Variants in EYS observed in about 807,000 individuals in gnomAD.
EYS encodes EGF-like photoreceptor maintenance factor.
EYS carries 250 observed loss-of-function variants against 282.1 expected under a neutral mutation model. The ratio of observed to expected loss-of-function variants is 0.89; its 90% confidence interval spans 0.80 to 0.98. The LOEUF (loss-of-function observed/expected upper bound fraction) is 0.98, where lower values mean the gene tolerates loss of function less well. Ranked by LOEUF, EYS falls within the 50% of genes least tolerant of loss-of-function variation. The pLI is 0.00. For synonymous variants in EYS, 1,355 were observed against 1,282.9 expected (o/e 1.06, Z -1.20); for missense variants, 4,016 against 3,709.0 (o/e 1.08, Z -2.15).
intron 14 of EYS, among the ~76,000 whole-genome samples, chr6:64,968,768 T>A (rs528414738): frequency 6.6e-6 from 1 of 152,182 alleles, no homozygotes; most frequent in Non-Finnish European, 1.5e-5. Context: ...GCTGAGGCTC[T>A]CTTAGCCCCA....
chr6:64,775,407 C>T (rs1225475909), intron 22 of EYS, among the ~76,000 whole-genome samples: 1 of 151,964 alleles, frequency 6.6e-6, no homozygotes, highest in Non-Finnish European at 1.5e-5. Context: ...GTTCAAACCC[C>T]AACTTTGCCA....
Position 65,227,645 on chromosome 6 carries a change from A to G in EYS, c.2023+68218T>C, listed in dbSNP as rs1026307664. Among the ~76,000 whole-genome samples the G allele has an allele frequency of 3.1e-4, 47 of 152,292 alleles. 1 individual carries two copies. The highest frequency in any genetic ancestry group is 1.1e-3 in the African/African-American group (44 of 41,572). On this transcript the variant is annotated intron_variant, in intron 12 of 42. Transcript: ENST00000503581. ...ACTAATGTTTATAGGAGCATTATTAATAATAGACAAAAGCTTAAATATCTG... is the reference window on the plus strand; with the variant it reads ...ACTAATGTTTATAGGAGCATTATTAGTAATAGACAAAAGCTTAAATATCTG...
At chr6:63,908,613 G>T (rs934271246) in intron 35 of EYS, among the ~76,000 whole-genome samples, 5 of 151,770 alleles carry the variant, frequency 3.3e-5, no homozygotes, top group African/African-American at 1.2e-4. Context: ...ACCACGCTCG[G>T]CTAATTTTTG....
intron 8 of EYS, among the ~76,000 whole-genome samples, chr6:65,380,410 C>T (rs1015364024): frequency 2.0e-5 from 3 of 152,106 alleles, no homozygotes; most frequent in African/African-American, 7.2e-5. Flanking sequence ...GGAAAACTGG[C>T]TAGCCATATG....
In EYS at chr6:64,567,235, T is replaced by C. The variant is rs1334621854; in HGVS notation, c.5644+22988A>G. Among the ~76,000 whole-genome samples the C allele has an allele frequency of 3.3e-5, 5 of 152,202 alleles. 1 individual carries two copies. Among genetic ancestry groups the C allele is most frequent in the Admixed American group, 3.3e-4 (5 of 15,292 alleles). On this transcript the variant is annotated intron_variant, in intron 26 of 42. Transcript: ENST00000503581. ...CATCTCTCAATACGGAGTGAGAGTA[T>C]ACATCAAAACAAAATTTAGTATAAT... is the stretch of plus-strand genomic sequence containing the variant.
chr6:64,491,330 G>GA (rs962557500), intron 26 of EYS, among the ~76,000 whole-genome samples: 11 of 149,548 alleles, frequency 7.4e-5, no homozygotes, highest in South Asian at 6.3e-4. Flanking sequence ...TCTTATCTTA[G>GA]AAAAAAAAAT....
At chr6:64,383,813 GGT>G (rs1772823879) in intron 29 of EYS, among the ~76,000 whole-genome samples, 1 of 152,034 alleles carries the variant, frequency 6.6e-6, no homozygotes, top group Admixed American at 6.6e-5. Flanking sequence ...TTTCTTCAAT[GGT>G]GTGTTTTAAT....
intron 2 of EYS, among the ~76,000 whole-genome samples, chr6:65,587,464 C>A (rs1765092105): frequency 6.6e-6 from 1 of 152,030 alleles, no homozygotes; most frequent in African/African-American, 2.4e-5. Context: ...TTGTAAGGGG[C>A]TTCCCCCTTC....
chr6:63,900,992 G>T (rs12207884), intron 35 of EYS, among the ~76,000 whole-genome samples: 42,559 of 152,032 alleles, frequency 0.28, 6,042 homozygotes, highest in Admixed American at 0.37. Flanking sequence ...TATGAGACCT[G>T]CAAAGAAACA....
chr6:64,904,268 A>G (rs1376492070), intron 16 of EYS, among the ~76,000 whole-genome samples: 1 of 152,140 alleles, frequency 6.6e-6, no homozygotes, highest in East Asian at 1.9e-4. Flanking sequence ...TTCTTACTCA[A>G]TTCTCAGAGC....
chr6:64,437,769 C>A (rs1774802593), intron 27 of EYS, among the ~76,000 whole-genome samples: 2 of 150,402 alleles, frequency 1.3e-5, no homozygotes, highest in Admixed American at 6.6e-5. Context: ...GCTCTATCTC[C>A]CAGGCAGGAG....
intron 29 of EYS, among the ~76,000 whole-genome samples, chr6:64,373,743 G>T (rs1040279451): frequency 6.6e-6 from 1 of 152,194 alleles, no homozygotes; most frequent in African/African-American, 2.4e-5. Context: ...AGGGACAAAA[G>T]AAGTCTATGC....
intron 12 of EYS, among the ~76,000 whole-genome samples, chr6:65,076,568 G>A (rs942137053): frequency 6.6e-6 from 1 of 151,902 alleles, no homozygotes; most frequent in African/African-American, 2.4e-5. Context: ...TACACATCTA[G>A]AAAGCAACAA....
chr6:64,974,855 A>G (rs1004975557), intron 14 of EYS, among the ~76,000 whole-genome samples: 1 of 151,854 alleles, frequency 6.6e-6, no homozygotes, highest in African/African-American at 2.4e-5. Flanking sequence ...GAGTAATGAC[A>G]GTTTTATGGG....
intron 40 of EYS, among the ~76,000 whole-genome samples, chr6:63,776,291 CTT>C (rs1770062505): frequency 6.6e-6 from 1 of 152,128 alleles, no homozygotes; most frequent in African/African-American, 2.4e-5. Context: ...TAAAGAGCGA[CTT>C]AACACTCTTG....
At chr6:64,844,380 G>A (rs1765659347) in intron 19 of EYS, among the ~76,000 whole-genome samples, 1 of 149,052 alleles carries the variant, frequency 6.7e-6, no homozygotes, top group African/African-American at 2.5e-5. Context: ...TTGAGTAGAA[G>A]CATAGTTTCA....
chr6:65,506,336 T>G (rs1285919628), intron 2 of EYS, among the ~76,000 whole-genome samples: 4 of 152,100 alleles, frequency 2.6e-5, no homozygotes, highest in African/African-American at 9.7e-5. Context: ...CCTCTTTCTA[T>G]GTGCTCTGGT....
chr6:64,378,953 T>G (rs1255888738), intron 29 of EYS, among the ~76,000 whole-genome samples: 3 of 152,232 alleles, frequency 2.0e-5, no homozygotes, highest in Non-Finnish European at 4.4e-5. Flanking sequence ...TATCATGCCC[T>G]GTAACTAGAT....
intron 23 of EYS, among the ~76,000 whole-genome samples, chr6:64,624,337 A>T (rs1272806813): frequency 6.6e-6 from 1 of 152,194 alleles, no homozygotes; most frequent in East Asian, 1.9e-4. Context: ...GTTACAAGAT[A>T]CCTATTGTTA....
Sources: allele counts gnomAD v4.1 joint callset (sites outside exome capture counted in the v4.1 genomes callset), GRCh38; gene constraint gnomAD v4.1.1; transcripts MANE v1.5; gene names NCBI Gene and HGNC (gene_info 2026-07-23, HGNC 2026-07-21).